Variants in LRP2 observed in about 807,000 individuals in gnomAD.
LRP2 encodes LDL receptor related protein 2.
LRP2 carries 172 observed loss-of-function variants against 531.0 expected under a neutral mutation model. That is an observed-to-expected ratio of 0.32 (90% CI 0.29 to 0.37). The LOEUF is 0.37. LRP2 is among the 10% of genes least tolerant of loss of function. The probability of loss-of-function intolerance (pLI) is 1.00; values close to 1 mark genes in which losing one functional copy is unlikely to be tolerated. For missense variants in LRP2, 5,167 were observed against 5,868.3 expected (o/e 0.88, Z 3.90); for synonymous variants, 1,992 against 2,027.6 (o/e 0.98, Z 0.47).
chr2:169,237,980 A>G lies in LRP2; in HGVS notation c.4506+111T>C, dbSNP rs1463891449. 30 of 866,092 alleles carry G rather than the reference A, an allele frequency of 3.5e-5. No homozygotes were observed. In the Middle Eastern group the frequency reaches 1.5e-3, roughly 44 times the overall value. The allele number at this position is 866,092 out of a possible 1,614,324, so 53.7% of individuals were successfully genotyped here. On this transcript the variant is annotated intron_variant, in intron 27 of 78. Transcript: ENST00000649046. ...TTGGGTATGATGTGGCCCAGAAGGT[A>G]CCATGAGAGCTACCCAGATGAGGTA...
Position 169,188,136 on chromosome 2 carries a change from A to G in LRP2, c.9162T>C (p.Asp3054=), listed in dbSNP as rs868094095. The part of the protein sequence containing the change: ...CISKTFVCDE[D]NDCGDGSDEL... The stretch of plus-strand genomic sequence containing the variant: ...CATCAGATCCGTCTCCACAGTCATT[A>G]TCCTCATCACAGACGAAGGTTTTAC... The change falls in exon 49 of 79, where the codon GAT becomes GAC. Residue 3054 remains aspartate, a synonymous_variant. Transcript: ENST00000649046. 6 of 1,614,054 alleles carry G rather than the reference A, an allele frequency of 3.7e-6. No homozygotes were observed. The Middle Eastern group carries it at 6.6e-4, about 178-fold the overall frequency.
At chr2:169,240,895 C>T (rs753653750) in intron 25 of LRP2, 93 bp downstream of exon 25, 56 of 1,507,978 alleles carry the variant, frequency 3.7e-5, no homozygotes, top group Non-Finnish European at 5.0e-5. Flanking sequence ...ATCCTTCCTA[C>T]AAAGCTACAC....
At chr2:169,230,534 T>C (rs888231692) in intron 31 of LRP2, among the ~76,000 whole-genome samples, 1 of 152,216 alleles carries the variant, frequency 6.6e-6, no homozygotes, top group Non-Finnish European at 1.5e-5. Context: ...GACTCTATTA[T>C]CTCTTAATTT....
intron 16 of LRP2, among the ~76,000 whole-genome samples, chr2:169,268,117 G>A (rs1683282588): frequency 6.6e-6 from 1 of 152,084 alleles, no homozygotes; most frequent in African/African-American, 2.4e-5. Context: ...ATAATTAATA[G>A]CCTACCAACC....
In LRP2 at chr2:169,170,638, G is replaced by C. The variant is rs746047600; in HGVS notation, c.11293C>G (p.Arg3765Gly). 1 of 1,613,920 alleles carries C rather than the reference G, an allele frequency of 6.2e-7. No individual in the cohort carries two copies. Among genetic ancestry groups the C allele is most frequent in the African/African-American group, 1.3e-5 (1 of 74,886 alleles). ...GGAATGCACTGCTGATTGACACATC[G>C]AAACTCGCTCTCTGTGCACTCCCGG... is the stretch of plus-strand genomic sequence containing the variant. ...APRECTESEF[R>G]CVNQQCIPSR... The change falls in exon 59 of 79, where the codon CGA (arginine) becomes GGA (glycine). Residue 3765 changes from arginine to glycine, a missense_variant. Around this residue, in one of 6 missense-constraint regions of LRP2, gnomAD observed 564 missense variants for 747.7 expected, o/e 0.75. Transcript: ENST00000649046.
intron 1 of LRP2, among the ~76,000 whole-genome samples, chr2:169,339,279 T>C (rs897066954): frequency 6.6e-6 from 1 of 152,176 alleles, no homozygotes; most frequent in Non-Finnish European, 1.5e-5. Context: ...TTATTATTAC[T>C]TTTATTTTAC....
In LRP2 at chr2:169,269,185, G is replaced by A. The variant is rs1421738782; in HGVS notation, c.2320+1719C>T. On this transcript the variant is annotated intron_variant, in intron 16 of 78. Transcript: ENST00000649046. The stretch of plus-strand genomic sequence containing the variant: ...TGAAAATGGCCATACTGCCCAAGGT[G>A]ATTTATAGATTCAATGCCATCCCCA... Among the ~76,000 whole-genome samples, 25 of 151,754 alleles carry A rather than the reference G, an allele frequency of 1.6e-4. No individual in the cohort carries two copies. In the East Asian group the frequency reaches 2.9e-3, roughly 18 times the overall value.
chr2:169,179,720 CA>C (rs5836221), intron 52 of LRP2, among the ~76,000 whole-genome samples: 80,453 of 146,166 alleles, frequency 0.55, 22,497 homozygotes, highest in Admixed American at 0.65. Flanking sequence ...ATTTCCATCT[CA>C]AAAAAAAAAA....
rs1002004685 is a variant in LRP2 at position 169,160,456 on chromosome 2, AAGG to A, written c.11887+2013_11887+2015del. ...GATGCTTTTGGAGAAGAAGAAGATG[AAGG>A]AGGAGGAGGAGAAGGAAGAAGAAGA... On this transcript the variant is annotated intron_variant, in intron 63 of 78. Coordinates refer to ENST00000649046, the MANE Select transcript of LRP2 (RefSeq NM_004525.3). Among the ~76,000 whole-genome samples the A allele has an allele frequency of 8.5e-5, 13 of 152,152 alleles. No individual in the cohort carries two copies. The South Asian group carries it at 1.9e-3, about 22-fold the overall frequency.
At chr2:169,190,143 G>C (rs16856558) in intron 48 of LRP2, among the ~76,000 whole-genome samples, 5 of 152,110 alleles carry the variant, frequency 3.3e-5, no homozygotes, top group African/African-American at 1.2e-4. Context: ...AACTATAGAA[G>C]TGCAACACAA....
intron 4 of LRP2, among the ~76,000 whole-genome samples, chr2:169,298,681 C>G (rs1302500240): frequency 2.0e-5 from 3 of 152,022 alleles, no homozygotes; most frequent in African/African-American, 7.2e-5. Flanking sequence ...AAAAGTGAGG[C>G]CAACTCTAGT....
At chr2:169,136,926 C>T (rs1444862812) in intron 76 of LRP2, among the ~76,000 whole-genome samples, 1 of 152,220 alleles carries the variant, frequency 6.6e-6, no homozygotes, top group Non-Finnish European at 1.5e-5. Flanking sequence ...TAAGAGGTCC[C>T]TCTCCCTTTA....
intron 4 of LRP2, among the ~76,000 whole-genome samples, chr2:169,299,376 G>T (rs1308703932): frequency 6.6e-6 from 1 of 151,996 alleles, no homozygotes; most frequent in African/African-American, 2.4e-5. Context: ...GAGATTCCTT[G>T]CTGGTCTCTA....
chr2:169,190,927 G>A (rs143884264), intron 48 of LRP2, among the ~76,000 whole-genome samples: 26 of 152,334 alleles, frequency 1.7e-4, no homozygotes, highest in African/African-American at 5.3e-4. Context: ...ATGATGAGAA[G>A]TTGGGATGTT....
In LRP2 at chr2:169,325,950, T is replaced by C. The variant is rs937475221; in HGVS notation, c.80-5066A>G. Among the ~76,000 whole-genome samples the C allele has an allele frequency of 2.6e-5, 4 of 152,086 alleles. No homozygotes were observed. The South Asian group carries it at 6.2e-4, about 24-fold the overall frequency. ...TTGGGGACAAAACCCACAATGCAAA[T>C]TGATGCATTATCATGTAGACACATC... On this transcript the variant is annotated intron_variant, in intron 1 of 78. Coordinates refer to ENST00000649046, the MANE Select transcript of LRP2 (RefSeq NM_004525.3).
chr2:169,204,096 T>C lies in LRP2; in HGVS notation c.7891A>G (p.Thr2631Ala), dbSNP rs912847436. The change falls in exon 42 of 79, where the codon ACA becomes GCA. Residue 2631 changes from threonine (T) to alanine (A), a missense_variant. Physicochemically the swap from Thr to Ala is moderately conservative, Grantham distance 58 (BLOSUM62 0). Coordinates refer to ENST00000649046, the MANE Select transcript of LRP2 (RefSeq NM_004525.3). ...YDGSGQIAMTTNLLSQPRGIN... is the reference protein window; with the variant it reads ...YDGSGQIAMTANLLSQPRGIN... The stretch of plus-strand genomic sequence containing the variant: ...CCCCTGGGCTGGGAGAGCAAATTTG[T>C]GGTCATTGCAATCTGACCTGACCCG... The C allele has an allele frequency of 1.2e-6, 2 of 1,614,196 alleles. No homozygotes were observed. The highest frequency in any genetic ancestry group is 1.7e-6 in the Non-Finnish European group (2 of 1,180,016).
At chr2:169,155,104 C>T (rs187675513) in intron 65 of LRP2, among the ~76,000 whole-genome samples, 4 of 152,240 alleles carry the variant, frequency 2.6e-5, no homozygotes, top group Admixed American at 2.6e-4. Context: ...TAGCTAATGA[C>T]AAAATAAACC....
intron 1 of LRP2, among the ~76,000 whole-genome samples, chr2:169,327,900 C>T (rs1331555766): frequency 2.4e-5 from 2 of 82,062 alleles, no homozygotes; most frequent in African/African-American, 5.5e-5. Flanking sequence ...GTCAGCCCCC[C>T]GCCCGGCCAG....
chr2:169,134,061 C>T (rs1377776857), intron 76 of LRP2, among the ~76,000 whole-genome samples: 2 of 152,200 alleles, frequency 1.3e-5, no homozygotes, highest in African/African-American at 4.8e-5. Flanking sequence ...TACAAAACAA[C>T]AACTCCTTTC....
Sources: allele counts gnomAD v4.1 joint callset (sites outside exome capture counted in the v4.1 genomes callset), GRCh38; gene constraint gnomAD v4.1.1; regional missense constraint gnomAD v4.1.1; transcripts MANE v1.5; gene names NCBI Gene and HGNC (gene_info 2026-07-23, HGNC 2026-07-21).